KCNH8: variants seen among roughly 807,000 people sequenced by gnomAD.
The protein encoded by KCNH8 is voltage-gated delayed rectifier potassium channel KCNH8.
KCNH8 carries 70 observed loss-of-function variants against 103.6 expected under a neutral mutation model. The observed-to-expected ratio is 0.68, with a 90% confidence interval of 0.56 to 0.82. KCNH8 has a LOEUF of 0.82. Ranked by LOEUF, KCNH8 falls within the 40% of genes least tolerant of loss-of-function variation. The pLI is 0.00. For missense variants in KCNH8, 1,217 were observed against 1,329.9 expected (o/e 0.92, Z 1.32); for synonymous variants, 498 against 489.4 (o/e 1.02, Z -0.23).
intron 8 of KCNH8, among the ~76,000 whole-genome samples, chr3:19,447,220 A>G (rs2067375572): frequency 6.6e-6 from 1 of 152,048 alleles, no homozygotes; most frequent in Non-Finnish European, 1.5e-5. Flanking sequence ...CAGAATGGTC[A>G]TAATAACTTT....
intron 3 of KCNH8, among the ~76,000 whole-genome samples, chr3:19,282,189 A>G (rs190644399): frequency 1.3e-5 from 2 of 152,246 alleles, no homozygotes; most frequent in East Asian, 1.9e-4. Context: ...GTTTCTTGAA[A>G]TGACAACCCA....
At chr3:19,203,318 A>G (rs1025551561) in intron 1 of KCNH8, among the ~76,000 whole-genome samples, 4 of 152,134 alleles carry the variant, frequency 2.6e-5, no homozygotes, top group African/African-American at 7.2e-5. Flanking sequence ...TAATCAGAAT[A>G]GAGACAAATT....
At chr3:19,464,761 C>T (rs2067701806) in intron 11 of KCNH8, among the ~76,000 whole-genome samples, 1 of 152,052 alleles carries the variant, frequency 6.6e-6, no homozygotes, top group Non-Finnish European at 1.5e-5. Context: ...TGGCCACTTG[C>T]CATTATCCAA....
At chr3:19,166,769 T>A (rs1187568762) in intron 1 of KCNH8, among the ~76,000 whole-genome samples, 2 of 152,188 alleles carry the variant, frequency 1.3e-5, no homozygotes, top group African/African-American at 4.8e-5. Context: ...AACTCTATGC[T>A]GCACTATAAA....
chr3:19,474,936 C>T (rs762024188), intron 11 of KCNH8, among the ~76,000 whole-genome samples: 2 of 152,054 alleles, frequency 1.3e-5, no homozygotes, highest in Non-Finnish European at 1.5e-5. Flanking sequence ...TAGAGAACAA[C>T]GAAATAGGAT....
In KCNH8 at chr3:19,419,191, TTTGG is replaced by T. The variant is rs1394976116; in HGVS notation, c.1178-18970_1178-18967del. On this transcript the variant is annotated intron_variant, in intron 7 of 15. Coordinates refer to ENST00000328405, the MANE Select transcript of KCNH8 (RefSeq NM_144633.3). ...CACAAAAAGAAGTAATTAAAATGGT[TTTGG>T]TTTTTTTTTTTTTTTTTTTTTTGAG... Among the ~76,000 whole-genome samples, 328 of 104,900 alleles carry T rather than the reference TTTGG, an allele frequency of 3.1e-3. 3 individuals carry two copies. The highest frequency in any genetic ancestry group is 7.3e-3 in the South Asian group (23 of 3,156). 68.8% of individuals were successfully genotyped at this position (104,900 alleles called of 152,430 possible). A position where few individuals can be genotyped will look rare whatever the true frequency, so the allele number is the denominator to read the frequency against.
intron 2 of KCNH8, among the ~76,000 whole-genome samples, chr3:19,266,480 A>G (rs1317811775): frequency 2.0e-5 from 3 of 152,114 alleles, no homozygotes; most frequent in African/African-American, 2.4e-5. Flanking sequence ...GAGGCTTTCA[A>G]CTATGACCTT....
intron 1 of KCNH8, among the ~76,000 whole-genome samples, chr3:19,164,966 G>T (rs2063268355): frequency 6.6e-6 from 1 of 152,088 alleles, no homozygotes; most frequent in African/African-American, 2.4e-5. Context: ...ATTTTAAAAT[G>T]CTTCTGGCTC....
At chr3:19,419,613 T>G (rs2066921105) in intron 7 of KCNH8, among the ~76,000 whole-genome samples, 1 of 152,078 alleles carries the variant, frequency 6.6e-6, no homozygotes, top group Non-Finnish European at 1.5e-5. Context: ...TATTTTTTCA[T>G]TGAGATTAGT....
chr3:19,253,023 G>A (rs1172391483), intron 1 of KCNH8, among the ~76,000 whole-genome samples: 1 of 152,116 alleles, frequency 6.6e-6, no homozygotes, highest in African/African-American at 2.4e-5. Context: ...GTGGACATTA[G>A]TGGATAAATA....
At chr3:19,308,139 G>T (rs2065154101) in intron 3 of KCNH8, among the ~76,000 whole-genome samples, 1 of 151,832 alleles carries the variant, frequency 6.6e-6, no homozygotes, top group African/African-American at 2.4e-5. Flanking sequence ...TATTGAAACA[G>T]CACTAGGTAC....
chr3:19,193,385 C>G (rs1313916858), intron 1 of KCNH8, among the ~76,000 whole-genome samples: 1 of 151,564 alleles, frequency 6.6e-6, no homozygotes, highest in Non-Finnish European at 1.5e-5. Flanking sequence ...CATTCTCTCC[C>G]TTTTCTCCCT....
At chr3:19,244,892 A>G (rs1183970592) in intron 1 of KCNH8, among the ~76,000 whole-genome samples, 2 of 152,138 alleles carry the variant, frequency 1.3e-5, no homozygotes, top group Admixed American at 6.5e-5. Context: ...ATAGTTTGCA[A>G]ATAGCTTCTT....
rs184107141 is a variant in KCNH8 at position 19,476,054 on chromosome 3, A to G, written c.2040+19072A>G. Among the ~76,000 whole-genome samples, 373 of 152,310 alleles carry G rather than the reference A, an allele frequency of 2.4e-3. 3 individuals carry two copies. The highest frequency in any genetic ancestry group is 8.0e-3 in the African/African-American group (331 of 41,568). On this transcript the variant is annotated intron_variant, in intron 11 of 15. Coordinates refer to ENST00000328405, the MANE Select transcript of KCNH8 (RefSeq NM_144633.3). Reference sequence around the variant, plus strand: ...ACTATTTGGTAAAAGTGCTAATTCTATGATGAATAATTCTTCAATCTTAAG... The same window carrying G: ...ACTATTTGGTAAAAGTGCTAATTCTGTGATGAATAATTCTTCAATCTTAAG...
At position 19,347,959 on chromosome 3, in the gene KCNH8, A is replaced by G. The variant is rs1301454895; in HGVS notation, c.805A>G (p.Ile269Val). ...TGACATTGCAGTGGAGATTCTTTTTATTATAGGTAAGAACAAACAGCTGCT... is the reference window on the plus strand; with the variant it reads ...TGACATTGCAGTGGAGATTCTTTTTGTTATAGGTAAGAACAAACAGCTGCT... ...VSDIAVEILF[I>V]IDIILNFRTT... The change falls in exon 5 of 16, where the codon ATT becomes GTT. Residue 269 changes from isoleucine (I) to valine (V), a missense_variant. Ile to Val is a conservative substitution (Grantham distance 29). Coordinates refer to ENST00000328405, the MANE Select transcript of KCNH8 (RefSeq NM_144633.3). 3.1e-6 allele frequency: 5 copies of G among 1,612,642 alleles called. No homozygotes were observed. The highest frequency in any genetic ancestry group is 4.2e-6 in the Non-Finnish European group (5 of 1,179,116).
At chr3:19,234,142 G>C (rs1301806554) in intron 1 of KCNH8, among the ~76,000 whole-genome samples, 1 of 152,212 alleles carries the variant, frequency 6.6e-6, no homozygotes, top group African/African-American at 2.4e-5. Flanking sequence ...ACAGGGCGCT[G>C]TTTGGTGCGT....
At chr3:19,416,319 CTTA>C (rs1317138242) in intron 7 of KCNH8, among the ~76,000 whole-genome samples, 2 of 151,796 alleles carry the variant, frequency 1.3e-5, no homozygotes, top group Non-Finnish European at 2.9e-5. Flanking sequence ...ATTATAAGAC[CTTA>C]TTATTTTCTA....
chr3:19,181,568 G>A (rs1170891059), intron 1 of KCNH8, among the ~76,000 whole-genome samples: 1 of 152,096 alleles, frequency 6.6e-6, no homozygotes, highest in African/African-American at 2.4e-5. Context: ...TGATTACCAT[G>A]AGCAAATTTA....
Position 19,534,030 on chromosome 3 carries a change from G to A in KCNH8, c.3255G>A (p.Leu1085=). ...EGMASASTKP[L]ENLPLEVVTS... ...TGGCATCAGCTTCTACAAAACCTTT[G>A]GAGAACCTTCCACTGGAAGTTGTCA... Residue 1085 remains leucine (L), a synonymous_variant, in exon 16 of 16, where the codon TTG becomes TTA. Transcript: ENST00000328405. The A allele has an allele frequency of 3.1e-6, 5 of 1,614,124 alleles. No homozygotes were observed. The highest frequency in any genetic ancestry group is 4.2e-6 in the Non-Finnish European group (5 of 1,180,002).
Sources: gnomAD v4.1 joint callset for allele counts (sites outside exome capture counted in the v4.1 genomes callset) on GRCh38, gnomAD v4.1.1 for gene constraint, MANE v1.5 for transcripts, NCBI Gene and HGNC (gene_info 2026-07-23, HGNC 2026-07-21) for gene names.